DNAI7: variants seen among roughly 807,000 people sequenced by gnomAD.
The protein encoded by DNAI7 is cancer susceptibility 1.
In DNAI7, 78 loss-of-function variants were observed where a neutral mutation model predicts 86.6. That is an observed-to-expected ratio of 0.90 (90% CI 0.75 to 1.09). DNAI7 has a LOEUF of 1.09. Ranked by LOEUF, DNAI7 falls within the 50% of genes least tolerant of loss-of-function variation. The probability of loss-of-function intolerance (pLI) is 0.00; values close to 1 mark genes in which losing one functional copy is unlikely to be tolerated. For synonymous variants in DNAI7, 274 were observed against 273.0 expected, an observed-to-expected ratio of 1.00 and a Z score of -0.04; for missense variants, 753 against 810.2, an observed-to-expected ratio of 0.93 and a Z score of 0.86.
chr12:25,133,596 A>C (rs1943192691), intron 9 of DNAI7, among the ~76,000 whole-genome samples: 1 of 152,088 alleles, frequency 6.6e-6, no homozygotes, highest in Admixed American at 6.5e-5. Flanking sequence ...CACCAATACT[A>C]TGGGGTTCTT....
At chr12:25,180,667 A>G (rs1407140406) in intron 2 of DNAI7, among the ~76,000 whole-genome samples, 1 of 152,206 alleles carries the variant, frequency 6.6e-6, no homozygotes, top group African/African-American at 2.4e-5. Flanking sequence ...GTTAGCAAAA[A>G]TAAACAAACA....
At chr12:25,191,686 G>C (rs1950535137) in intron 1 of DNAI7, among the ~76,000 whole-genome samples, 1 of 152,178 alleles carries the variant, frequency 6.6e-6, no homozygotes, top group Non-Finnish European at 1.5e-5. Flanking sequence ...CTGGGTGACA[G>C]AGCAAGACTC....
intron 9 of DNAI7, among the ~76,000 whole-genome samples, chr12:25,138,299 C>T (rs1359858230): frequency 6.6e-6 from 1 of 152,034 alleles, no homozygotes; most frequent in African/African-American, 2.4e-5. Context: ...TCTGTCTCTA[C>T]TAAAAATACA....
At chr12:25,121,965 C>T (rs750496886) in intron 10 of DNAI7, 52 bp from the exon 11 acceptor site, 3 of 1,263,470 alleles carry the variant, frequency 2.4e-6, no homozygotes, top group Non-Finnish European at 3.2e-6. Flanking sequence ...TTAGTATGTT[C>T]TTAGGAAAGA....
chr12:25,109,730 G>T (rs764109945), intron 15 of DNAI7, among the ~76,000 whole-genome samples: 7 of 152,020 alleles, frequency 4.6e-5, no homozygotes, highest in Non-Finnish European at 1.0e-4. Flanking sequence ...CCAGGCTGGA[G>T]TGCAATGGCA....
intron 12 of DNAI7, among the ~76,000 whole-genome samples, chr12:25,115,095 C>T (rs993652544): frequency 3.9e-5 from 6 of 152,202 alleles, no homozygotes; most frequent in African/African-American, 1.2e-4. Flanking sequence ...GACTCACTTT[C>T]TTGGCTCCAT....
chr12:25,143,194 T>C (rs1485113893), intron 9 of DNAI7, among the ~76,000 whole-genome samples: 1 of 152,108 alleles, frequency 6.6e-6, no homozygotes, highest in African/African-American at 2.4e-5. Context: ...AATTTTTTTA[T>C]ACTTAGCATT....
At chr12:25,113,856 C>T (rs1036642197) in intron 13 of DNAI7, among the ~76,000 whole-genome samples, 3 of 151,934 alleles carry the variant, frequency 2.0e-5, no homozygotes, top group Non-Finnish European at 4.4e-5. Flanking sequence ...TTAATCCCCA[C>T]CCACTCTCAG....
chr12:25,107,694 T>G, downstream of DNAI7: 1 of 830,492 alleles, frequency 1.2e-6, no homozygotes, highest in Non-Finnish European at 1.9e-6. Context: ...AATCATAATA[T>G]GTAGATTAAA....
intron 7 of DNAI7, among the ~76,000 whole-genome samples, chr12:25,149,081 A>T (rs1301295239): frequency 6.6e-6 from 1 of 151,940 alleles, no homozygotes; most frequent in Non-Finnish European, 1.5e-5. Flanking sequence ...GACATCCTGG[A>T]CTCAAGCGAT....
chr12:25,154,246 A>T (rs1354341686), intron 6 of DNAI7, 73 bp downstream of exon 6: 2 of 1,259,794 alleles, frequency 1.6e-6, no homozygotes, highest in East Asian at 5.1e-5. Flanking sequence ...CAAATGATAT[A>T]TTAATTTTTA....
chr12:25,145,700 T>A (rs2140871880), intron 8 of DNAI7, among the ~76,000 whole-genome samples: 1 of 152,300 alleles, frequency 6.6e-6, no homozygotes, highest in Non-Finnish European at 1.5e-5. Flanking sequence ...ACATAGCTAG[T>A]CTTTTCAGAG....
intron 9 of DNAI7, among the ~76,000 whole-genome samples, chr12:25,139,229 A>AT (rs931168149): frequency 6.6e-6 from 1 of 151,988 alleles, no homozygotes; most frequent in Non-Finnish European, 1.5e-5. Context: ...AAAATTACCA[A>AT]TAAAAAAAAA....
At chr12:25,142,501 AAAAAC>A (rs1167626734) in intron 9 of DNAI7, among the ~76,000 whole-genome samples, 1 of 148,860 alleles carries the variant, frequency 6.7e-6, no homozygotes, top group African/African-American at 2.4e-5. Context: ...GAAATAAAAA[AAAAAC>A]AAAACTACTG....
chr12:25,161,601 C>G lies in DNAI7; in HGVS notation c.22-404G>C, dbSNP rs527879508. 2.0e-5 allele frequency among the ~76,000 whole-genome samples: 3 copies of G among 152,268 alleles called. No homozygotes were observed. The South Asian group carries it at 6.2e-4, about 32-fold the overall frequency. ...AGTATTCTTATGACTAACAGGTATA[C>G]AGAGAGTTATTTTGCAAGCTTGGAA... On this transcript the variant is annotated intron_variant, in intron 2 of 15. Coordinates refer to ENST00000395987, the MANE Select transcript of DNAI7 (RefSeq NM_018272.5).
downstream of DNAI7, chr12:25,108,221 C>T: frequency 1.4e-6 from 1 of 733,138 alleles, no homozygotes; most frequent in Non-Finnish European, 2.2e-6. Context: ...ATCTCCCCAA[C>T]TAAAATACAA....
chr12:25,173,416 C>T (rs1184530504), intron 2 of DNAI7, among the ~76,000 whole-genome samples: 1 of 151,982 alleles, frequency 6.6e-6, no homozygotes, highest in Non-Finnish European at 1.5e-5. Flanking sequence ...TTTACTCCTG[C>T]AAGAATGGCC....
intron 2 of DNAI7, among the ~76,000 whole-genome samples, chr12:25,187,759 G>T (rs1950163107): frequency 6.6e-6 from 1 of 152,120 alleles, no homozygotes; most frequent in Non-Finnish European, 1.5e-5. Flanking sequence ...TTACTCCATT[G>T]AACCTAAGAT....
At chr12:25,175,389 G>C (rs1948846540) in intron 2 of DNAI7, among the ~76,000 whole-genome samples, 1 of 151,910 alleles carries the variant, frequency 6.6e-6, no homozygotes, top group African/African-American at 2.4e-5. Flanking sequence ...TTTTTTTTGA[G>C]ACGGACTCTC....
Sources: gnomAD v4.1 joint callset for allele counts (sites outside exome capture counted in the v4.1 genomes callset) on GRCh38, gnomAD v4.1.1 for gene constraint, MANE v1.5 for transcripts, NCBI Gene and HGNC (gene_info 2026-07-23, HGNC 2026-07-21) for gene names.